The following WDPCP variants were observed in gnomAD, a reference collection of about 807,000 sequenced individuals.
The protein encoded by WDPCP is WD repeat-containing and planar cell polarity effector protein fritz homolog.
In WDPCP, 71 loss-of-function variants were observed where a neutral mutation model predicts 93.1. The observed-to-expected ratio is 0.76, with a 90% confidence interval of 0.63 to 0.93. The LOEUF is 0.93. WDPCP is among the 40% of genes least tolerant of loss of function. The pLI is 0.00. For missense variants in WDPCP, 844 were observed against 887.4 expected (o/e 0.95, Z 0.62); for synonymous variants, 315 against 315.0 (o/e 1.00, Z 0.00).
At chr2:63,723,164 C>T (rs1669451032) in intron 2 of WDPCP, among the ~76,000 whole-genome samples, 1 of 151,836 alleles carries the variant, frequency 6.6e-6, no homozygotes, top group Admixed American at 6.5e-5. Flanking sequence ...CCGCAGGGTC[C>T]TCTGCCTAGG....
At chr2:63,453,311 G>A (rs1309326577) in intron 6 of WDPCP, among the ~76,000 whole-genome samples, 1 of 152,168 alleles carries the variant, frequency 6.6e-6, no homozygotes, top group Non-Finnish European at 1.5e-5. Context: ...CTCAAAAGAA[G>A]ACATTTATGC....
intron 9 of WDPCP, among the ~76,000 whole-genome samples, chr2:63,420,858 G>A (rs375143176): frequency 3.2e-4 from 48 of 152,262 alleles, no homozygotes; most frequent in African/African-American, 1.0e-3. Context: ...TTCACCACAA[G>A]ATGTTTTCAT....
the WDPCP span, among the ~76,000 whole-genome samples, chr2:63,837,395 T>C: frequency 6.6e-6 from 1 of 152,296 alleles, no homozygotes; most frequent in South Asian, 2.1e-4. Context: ...GCCTAGGATT[T>C]AGATGGGTAC....
upstream of WDPCP, chr2:63,593,107 GT>G (rs34177697): frequency 2.7e-5 from 4 of 147,366 alleles, no homozygotes; most frequent in Admixed American, 6.8e-5. Context: ...GTTGTTTTTT[GT>G]TTTTTTTTTG....
intron 12 of WDPCP, among the ~76,000 whole-genome samples, chr2:63,342,945 A>G (rs1688948417): frequency 6.6e-6 from 1 of 152,026 alleles, no homozygotes; most frequent in Non-Finnish European, 1.5e-5. Flanking sequence ...TCTTTTATCT[A>G]GAATGTCTTA....
chr2:63,285,308 G>T (rs1683902801), intron 13 of WDPCP, among the ~76,000 whole-genome samples: 1 of 151,806 alleles, frequency 6.6e-6, no homozygotes, highest in Non-Finnish European at 1.5e-5. Flanking sequence ...GTGGCGGGTG[G>T]CTGTAGTCCC....
At chr2:63,453,922 C>A (rs544173967) in intron 6 of WDPCP, among the ~76,000 whole-genome samples, 2 of 124,332 alleles carry the variant, frequency 1.6e-5, no homozygotes, top group Non-Finnish European at 3.2e-5. Context: ...GGGTAAGGAA[C>A]GGAACATCAC....
intron 13 of WDPCP, among the ~76,000 whole-genome samples, chr2:63,299,730 C>T (rs1005852299): frequency 7.9e-5 from 12 of 152,158 alleles, no homozygotes; most frequent in African/African-American, 2.9e-4. Context: ...TGCGACATTA[C>T]ATTTAACTCC....
intron 17 of WDPCP, among the ~76,000 whole-genome samples, chr2:63,127,543 TAGA>T (rs1297642872): frequency 6.6e-6 from 1 of 151,772 alleles, no homozygotes; most frequent in Non-Finnish European, 1.5e-5. Context: ...AAACTTATGA[TAGA>T]AGTAGTAGCA....
At chr2:63,335,285 T>C (rs1258876890) in intron 12 of WDPCP, among the ~76,000 whole-genome samples, 1 of 152,222 alleles carries the variant, frequency 6.6e-6, no homozygotes, top group African/African-American at 2.4e-5. Context: ...ACCACAATTT[T>C]TCCTGTGAAT....
In WDPCP at chr2:63,120,748, A is replaced by C. The variant is rs1405890983; in HGVS notation, c.*1258T>G. Among the ~76,000 whole-genome samples, 2 of 150,210 alleles carry C rather than the reference A, an allele frequency of 1.3e-5. No homozygotes were observed. The highest frequency in any genetic ancestry group is 3.0e-5 in the Non-Finnish European group (2 of 67,604). On this transcript the variant is annotated 3_prime_UTR_variant, in exon 18 of 18. Coordinates refer to ENST00000272321, the MANE Select transcript of WDPCP (RefSeq NM_015910.7). ...ACGGGGTTTCACCATGTTGTCTAGG[A>C]TGGTCTCCATCTCCTGACCTCGTGA...
intron 9 of WDPCP, among the ~76,000 whole-genome samples, chr2:63,424,047 A>G (rs1696068089): frequency 6.6e-6 from 1 of 152,152 alleles, no homozygotes; most frequent in African/African-American, 2.4e-5. Context: ...CAGGACAGCA[A>G]TCCTGGCCCT....
At chr2:63,184,245 G>C (rs1265118013) in intron 14 of WDPCP, among the ~76,000 whole-genome samples, 1 of 151,898 alleles carries the variant, frequency 6.6e-6, no homozygotes, top group African/African-American at 2.4e-5. Flanking sequence ...GTTTGGTGGA[G>C]TTCTGTCCTG....
chr2:63,198,264 G>T (rs1029135913), intron 14 of WDPCP, among the ~76,000 whole-genome samples: 1 of 152,114 alleles, frequency 6.6e-6, no homozygotes, highest in African/African-American at 2.4e-5. Context: ...CAGATTTTCT[G>T]CTCATTTCCA....
At chr2:63,463,284 T>A (rs184145912) in intron 6 of WDPCP, among the ~76,000 whole-genome samples, 14 of 152,122 alleles carry the variant, frequency 9.2e-5, no homozygotes, top group African/African-American at 3.4e-4. Context: ...TAGTGGAAGA[T>A]TTGGCTGTGT....
At chr2:63,693,442 G>GATAGATAT (rs1271253814) in intron 2 of WDPCP, among the ~76,000 whole-genome samples, 5 of 95,646 alleles carry the variant, frequency 5.2e-5, no homozygotes, top group East Asian at 2.9e-4. Flanking sequence ...ATAGATATTA[G>GATAGATAT]ATAGATAGAT....
At chr2:63,555,762 G>A (rs1341677996) in intron 1 of WDPCP, among the ~76,000 whole-genome samples, 4 of 151,968 alleles carry the variant, frequency 2.6e-5, no homozygotes, top group African/African-American at 9.7e-5. Flanking sequence ...ACAGAAGAGG[G>A]GTCTGACTGT....
At chr2:63,497,387 T>C (rs1701294992) in intron 1 of WDPCP, among the ~76,000 whole-genome samples, 1 of 152,180 alleles carries the variant, frequency 6.6e-6, no homozygotes, top group Non-Finnish European at 1.5e-5. Flanking sequence ...CTCTTGTGGA[T>C]TCCCCAAGAT....
intron 1 of WDPCP, among the ~76,000 whole-genome samples, chr2:63,824,553 A>AC (rs937745439): frequency 1.3e-5 from 2 of 150,818 alleles, no homozygotes; most frequent in African/African-American, 2.4e-5. Flanking sequence ...AAAAAAAAAA[A>AC]AAAAAAAAAA....
Sources: allele counts gnomAD v4.1 joint callset (sites outside exome capture counted in the v4.1 genomes callset), GRCh38; gene constraint gnomAD v4.1.1; transcripts MANE v1.5; gene names NCBI Gene and HGNC (gene_info 2026-07-23, HGNC 2026-07-21).